The following ATP8A2 variants were observed in gnomAD, a reference collection of about 807,000 sequenced individuals.
The protein encoded by ATP8A2 is phospholipid-transporting ATPase IB.
ATP8A2 carries 100 observed loss-of-function variants against 165.6 expected under a neutral mutation model. The ratio of observed to expected loss-of-function variants is 0.60; its 90% confidence interval spans 0.51 to 0.71. The LOEUF (loss-of-function observed/expected upper bound fraction) is 0.71. Among genes scored for constraint, ATP8A2 ranks in the 30% least tolerant of loss-of-function variants. ATP8A2 has a pLI of 0.00. For missense variants in ATP8A2, 1,227 were observed against 1,479.5 expected, an observed-to-expected ratio of 0.83 and a Z score of 2.80; for synonymous variants, 543 against 548.8, an observed-to-expected ratio of 0.99 and a Z score of 0.15.
chr13:25,736,425 C>T (rs1009151294), intron 25 of ATP8A2, among the ~76,000 whole-genome samples: 5 of 152,064 alleles, frequency 3.3e-5, no homozygotes, highest in African/African-American at 9.7e-5. Context: ...TAACTGAACG[C>T]GACATGAGGT....
chr13:25,464,387 G>A (rs1259123551), intron 1 of ATP8A2, among the ~76,000 whole-genome samples: 1 of 148,956 alleles, frequency 6.7e-6, no homozygotes, highest in Admixed American at 6.8e-5. Context: ...CCCTAATGCA[G>A]CTGGGATCTC....
intron 24 of ATP8A2, among the ~76,000 whole-genome samples, chr13:25,656,532 G>A (rs1026411312): frequency 4.0e-5 from 6 of 151,748 alleles, no homozygotes; most frequent in Non-Finnish European, 7.4e-5. Flanking sequence ...CTCGGCCTCC[G>A]AAAGTGCTGG....
intron 27 of ATP8A2, among the ~76,000 whole-genome samples, chr13:25,796,226 G>A (rs1950495662): frequency 6.6e-6 from 1 of 152,154 alleles, no homozygotes; most frequent in Non-Finnish European, 1.5e-5. Flanking sequence ...TGGGATTACA[G>A]GCACGAGCCA....
chr13:25,567,555 C>T (rs1296565465), intron 16 of ATP8A2, among the ~76,000 whole-genome samples: 1 of 152,124 alleles, frequency 6.6e-6, no homozygotes, highest in Non-Finnish European at 1.5e-5. Context: ...GATGACCATC[C>T]AAACACAGAG....
At chr13:25,985,538 G>A (rs1423458564) in intron 35 of ATP8A2, among the ~76,000 whole-genome samples, 5 of 152,162 alleles carry the variant, frequency 3.3e-5, no homozygotes, top group East Asian at 3.8e-4. Context: ...TGAACGTCCC[G>A]CTGGGGGGCA....
rs1016489298 is a variant in ATP8A2 at position 26,022,507 on chromosome 13, T to C, written c.*2522T>C. 2 of 152,238 alleles carry C rather than the reference T, an allele frequency of 1.3e-5. No homozygotes were observed. The highest frequency in any genetic ancestry group is 3.2e-3 in the Middle Eastern group (1 of 316). 9.4% of individuals were successfully genotyped at this position (152,238 alleles called of 1,614,324 possible). A position where few individuals can be genotyped will look rare whatever the true frequency, so the allele number is the denominator to read the frequency against. On this transcript the variant is annotated 3_prime_UTR_variant, in exon 37 of 37. Transcript: ENST00000381655. ...GAAGTAGACTAAACAATATTTGCAGTGATGACAGACGCACACAGAAGAAAA... is the reference window on the plus strand; with the variant it reads ...GAAGTAGACTAAACAATATTTGCAGCGATGACAGACGCACACAGAAGAAAA...
Position 25,627,198 on chromosome 13 carries a change from G to C in ATP8A2, c.2211+37499G>C, listed in dbSNP as rs570292717. 5.9e-5 allele frequency among the ~76,000 whole-genome samples: 9 copies of C among 152,190 alleles called. 1 individual carries two copies. The South Asian group carries it at 1.9e-3, about 32-fold the overall frequency. ...CAGAGGAAATAGCAAATGCAAATCC[G>C]CCAAGGTGGTACAGTGGCAGAATAC... On this transcript the variant is annotated intron_variant, in intron 24 of 36. Coordinates refer to ENST00000381655, the MANE Select transcript of ATP8A2 (RefSeq NM_016529.6).
At chr13:25,683,285 G>A (rs895252679) in intron 24 of ATP8A2, among the ~76,000 whole-genome samples, 9 of 152,162 alleles carry the variant, frequency 5.9e-5, no homozygotes, top group African/African-American at 1.7e-4. Flanking sequence ...TGTAGTGAGC[G>A]ATTTGTATGC....
At chr13:25,721,101 T>A (rs1269874070) in intron 25 of ATP8A2, among the ~76,000 whole-genome samples, 2 of 151,802 alleles carry the variant, frequency 1.3e-5, no homozygotes, top group Non-Finnish European at 2.9e-5. Flanking sequence ...GGCTACAGGC[T>A]CATGCCACCA....
At position 25,914,859 on chromosome 13, in the gene ATP8A2, G is replaced by A. The variant is rs1314844247; in HGVS notation, c.3184-46716G>A. Among the ~76,000 whole-genome samples, 9 of 152,192 alleles carry A rather than the reference G, an allele frequency of 5.9e-5. 1 individual carries two copies. The highest frequency in any genetic ancestry group is 2.4e-5 in the African/African-American group (1 of 41,446). On this transcript the variant is annotated intron_variant, in intron 33 of 36. Transcript: ENST00000381655. ...CTCTTGACTCCAAGCCTGGAACCAA[G>A]CCATGGCTTTCACATGCCGTGCATC...
At chr13:25,880,570 T>C (rs188887601) in intron 33 of ATP8A2, among the ~76,000 whole-genome samples, 1 of 152,284 alleles carries the variant, frequency 6.6e-6, no homozygotes, top group East Asian at 1.9e-4. Flanking sequence ...TGCAGCAGAA[T>C]TTAGGCATTG....
intron 24 of ATP8A2, among the ~76,000 whole-genome samples, chr13:25,597,926 G>C (rs944224556): frequency 2.0e-5 from 3 of 151,560 alleles, no homozygotes; most frequent in Non-Finnish European, 4.4e-5. Context: ...TGTGATTAGA[G>C]CTTTGGTGCT....
In ATP8A2 at chr13:25,496,926, T is replaced by C. The variant is rs891634559; in HGVS notation, c.221+27805T>C. On this transcript the variant is annotated intron_variant, in intron 2 of 36. Coordinates refer to ENST00000381655, the MANE Select transcript of ATP8A2 (RefSeq NM_016529.6). ...GTGGGTTGATGTGTTAATTCAGCCC[T>C]TTGGATGTAAAGCTGCTCTGGGCAC... 5.3e-5 allele frequency among the ~76,000 whole-genome samples: 8 copies of C among 152,166 alleles called. 1 individual carries two copies. Among genetic ancestry groups the C allele is most frequent in the Admixed American group, 2.6e-4 (4 of 15,270 alleles).
rs140142426 is a variant in ATP8A2 at position 25,811,269 on chromosome 13, C to A, written c.2680-16849C>A. 1.3e-3 allele frequency among the ~76,000 whole-genome samples: 197 copies of A among 152,006 alleles called. 1 individual carries two copies. Among genetic ancestry groups the A allele is most frequent in the African/African-American group, 4.5e-3 (185 of 41,444 alleles). ...AATATCAGTGACATAATTTTGGCAG[C>A]AGAAAAATGCTAAATATAATCCAAA... On this transcript the variant is annotated intron_variant, in intron 27 of 36. Coordinates refer to ENST00000381655, the MANE Select transcript of ATP8A2 (RefSeq NM_016529.6).
chr13:25,995,032 T>G (rs1331590218), intron 35 of ATP8A2, among the ~76,000 whole-genome samples: 1 of 152,054 alleles, frequency 6.6e-6, no homozygotes, highest in African/African-American at 2.4e-5. Context: ...CTATTAAAAT[T>G]ATTTCAAATT....
At chr13:25,889,275 A>ATATATATATATAT (rs1566239890) in intron 33 of ATP8A2, among the ~76,000 whole-genome samples, 108 of 84,868 alleles carry the variant, frequency 1.3e-3, no homozygotes, top group African/African-American at 7.0e-3. Flanking sequence ...TATATATATA[A>ATATATATATATAT]AATTTAAATG....
intron 35 of ATP8A2, among the ~76,000 whole-genome samples, chr13:25,999,901 A>G (rs1482715510): frequency 6.6e-6 from 1 of 152,204 alleles, no homozygotes; most frequent in Non-Finnish European, 1.5e-5. Context: ...TTGAAGTTTT[A>G]GGCTGGAAAA....
At chr13:25,443,490 G>C (rs1056195407) in intron 1 of ATP8A2, among the ~76,000 whole-genome samples, 1 of 152,192 alleles carries the variant, frequency 6.6e-6, no homozygotes, top group Non-Finnish European at 1.5e-5. Flanking sequence ...GACAACTGCT[G>C]TTCTAAGTAT....
intron 1 of ATP8A2, among the ~76,000 whole-genome samples, chr13:25,382,399 G>C (rs575796895): frequency 2.6e-5 from 4 of 152,126 alleles, no homozygotes; most frequent in African/African-American, 9.7e-5. Context: ...AAATACTTCT[G>C]TGCAGGTTTT....
Sources: gnomAD v4.1 joint callset for allele counts (sites outside exome capture counted in the v4.1 genomes callset) on GRCh38, gnomAD v4.1.1 for gene constraint, MANE v1.5 for transcripts, NCBI Gene and HGNC (gene_info 2026-07-23, HGNC 2026-07-21) for gene names.